CREB5: variants seen among roughly 807,000 people sequenced by gnomAD.
CREB5 encodes cyclic AMP-responsive element-binding protein 5.
A neutral mutation model predicts 57.1 loss-of-function variants in CREB5; 19 were observed. That is an observed-to-expected ratio of 0.33 (90% CI 0.23 to 0.49). The LOEUF is 0.49. Among genes scored for constraint, CREB5 ranks in the 20% least tolerant of loss-of-function variants. The probability of loss-of-function intolerance (pLI) is 0.99; values close to 1 mark genes in which losing one functional copy is unlikely to be tolerated. For synonymous variants in CREB5, 238 were observed against 238.3 expected (o/e 1.00, Z 0.01); for missense variants, 579 against 671.6 (o/e 0.86, Z 1.52).
At chr7:28,389,685 G>A (rs1004164045) in intron 1 of CREB5, among the ~76,000 whole-genome samples, 1 of 149,788 alleles carries the variant, frequency 6.7e-6, no homozygotes, top group African/African-American at 2.5e-5. Flanking sequence ...CTTAGAAGTC[G>A]TTAGATTGAT....
chr7:28,800,343 A>C (rs567679287), intron 7 of CREB5, among the ~76,000 whole-genome samples: 13 of 152,186 alleles, frequency 8.5e-5, no homozygotes, highest in Non-Finnish European at 1.6e-4. Context: ...TGGAGGGTGC[A>C]TGACGCGCCC....
At chr7:28,575,829 TC>T (rs1349845109) in intron 5 of CREB5, among the ~76,000 whole-genome samples, 3 of 152,108 alleles carry the variant, frequency 2.0e-5, no homozygotes, top group Non-Finnish European at 4.4e-5. Context: ...ACCATATGGC[TC>T]CCGTTAAATC....
chr7:28,428,038 T>C (rs959645771), intron 1 of CREB5, among the ~76,000 whole-genome samples: 2 of 152,176 alleles, frequency 1.3e-5, no homozygotes, highest in South Asian at 2.1e-4. Context: ...CATGTTTCAG[T>C]TGGAATAGTC....
intron 5 of CREB5, among the ~76,000 whole-genome samples, chr7:28,677,202 ATTAAT>A (rs1800360889): frequency 6.6e-6 from 1 of 152,228 alleles, no homozygotes; most frequent in Non-Finnish European, 1.5e-5. Context: ...TATCAACTTA[ATTAAT>A]TTATTTATAA....
At chr7:28,304,690 T>C (rs189443564) in intron 1 of CREB5, among the ~76,000 whole-genome samples, 120 of 152,292 alleles carry the variant, frequency 7.9e-4, no homozygotes, top group African/African-American at 2.7e-3. Context: ...TGTGGACTAG[T>C]AGATAAATTA....
intron 4 of CREB5, among the ~76,000 whole-genome samples, chr7:28,557,789 A>G (rs1794935471): frequency 6.6e-6 from 1 of 152,212 alleles, no homozygotes; most frequent in African/African-American, 2.4e-5. Flanking sequence ...CAGAATATCA[A>G]GGAGGTCCTT....
At chr7:28,499,620 G>A (rs935761787) in intron 3 of CREB5, among the ~76,000 whole-genome samples, 3 of 152,136 alleles carry the variant, frequency 2.0e-5, no homozygotes, top group Non-Finnish European at 2.9e-5. Context: ...TTTCGCTCTC[G>A]TTGCCCAGGC....
intron 1 of CREB5, among the ~76,000 whole-genome samples, chr7:28,448,280 T>C (rs1245900533): frequency 1.3e-5 from 2 of 152,250 alleles, no homozygotes; most frequent in Admixed American, 1.3e-4. Flanking sequence ...TGTGGGACTT[T>C]GTGATCATCT....
intron 7 of CREB5, among the ~76,000 whole-genome samples, chr7:28,754,804 C>A (rs1283137711): frequency 6.6e-6 from 1 of 152,114 alleles, no homozygotes; most frequent in African/African-American, 2.4e-5. Flanking sequence ...ATTCTCCAGT[C>A]AGCATCAAGC....
At chr7:28,336,365 A>G (rs997394341) in intron 1 of CREB5, among the ~76,000 whole-genome samples, 13 of 151,830 alleles carry the variant, frequency 8.6e-5, no homozygotes, top group Admixed American at 8.5e-4. Context: ...TATGGCTTTG[A>G]TCTTGTTGCT....
At chr7:28,645,197 T>G (rs561345985) in intron 5 of CREB5, among the ~76,000 whole-genome samples, 1 of 152,320 alleles carries the variant, frequency 6.6e-6, no homozygotes, top group East Asian at 1.9e-4. Flanking sequence ...TTAAGAATAA[T>G]TTTCTTTTCT....
chr7:28,372,514 C>T (rs978175731), intron 1 of CREB5, among the ~76,000 whole-genome samples: 3 of 152,112 alleles, frequency 2.0e-5, no homozygotes, highest in Non-Finnish European at 2.9e-5. Flanking sequence ...ACATTACAAT[C>T]GTATTATTTG....
intron 9 of CREB5, among the ~76,000 whole-genome samples, chr7:28,812,054 G>A (rs936756887): frequency 2.0e-5 from 3 of 152,206 alleles, no homozygotes. Context: ...CTATATGTCA[G>A]GAGCACATCT....
chr7:28,566,392 T>G (rs889094947), intron 4 of CREB5, among the ~76,000 whole-genome samples: 4 of 152,230 alleles, frequency 2.6e-5, no homozygotes, highest in Admixed American at 1.3e-4. Context: ...AAAAGCAGCT[T>G]TGAGGAACAC....
intron 1 of CREB5, among the ~76,000 whole-genome samples, chr7:28,366,372 CAT>C (rs1008807036): frequency 6.6e-6 from 1 of 152,094 alleles, no homozygotes; most frequent in African/African-American, 2.4e-5. Context: ...GTATTGTAAA[CAT>C]AGATTCTTAG....
intron 7 of CREB5, among the ~76,000 whole-genome samples, chr7:28,796,062 C>T (rs1808022319): frequency 6.6e-6 from 1 of 152,076 alleles, no homozygotes; most frequent in East Asian, 1.9e-4. Context: ...CCAAATTAAC[C>T]ATTTTAAGGT....
At chr7:28,592,033 C>A (rs1796539617) in intron 5 of CREB5, among the ~76,000 whole-genome samples, 1 of 152,162 alleles carries the variant, frequency 6.6e-6, no homozygotes, top group South Asian at 2.1e-4. Flanking sequence ...AATTCTGATT[C>A]CTCAGACCCT....
chr7:28,481,016 A>G (rs1006085431), intron 1 of CREB5, among the ~76,000 whole-genome samples: 3 of 152,208 alleles, frequency 2.0e-5, no homozygotes, highest in Non-Finnish European at 4.4e-5. Context: ...TGAAAACCCA[A>G]TCCCACTGGA....
At chr7:28,758,276 G>T (rs1224952952) in intron 7 of CREB5, among the ~76,000 whole-genome samples, 1 of 152,196 alleles carries the variant, frequency 6.6e-6, no homozygotes, top group Non-Finnish European at 1.5e-5. Flanking sequence ...CACATAAGAA[G>T]AAAATGGCTG....
Sources: gnomAD v4.1 joint callset for allele counts (sites outside exome capture counted in the v4.1 genomes callset) on GRCh38, gnomAD v4.1.1 for gene constraint, MANE v1.5 for transcripts, NCBI Gene and HGNC (gene_info 2026-07-23, HGNC 2026-07-21) for gene names.